Variants in ERBB4 observed in about 807,000 individuals in gnomAD.
ERBB4 encodes erb-b2 receptor tyrosine kinase 4.
ERBB4 carries 42 observed loss-of-function variants against 158.0 expected under a neutral mutation model. That is an observed-to-expected ratio of 0.27 (90% CI 0.21 to 0.34). ERBB4 has a LOEUF of 0.34. Ranked by LOEUF, ERBB4 falls within the 10% of genes least tolerant of loss-of-function variation. The pLI is 1.00. For synonymous variants in ERBB4, 583 were observed against 558.7 expected, an observed-to-expected ratio of 1.04 and a Z score of -0.61; for missense variants, 1,333 against 1,624.1, an observed-to-expected ratio of 0.82 and a Z score of 3.08.
intron 25 of ERBB4, among the ~76,000 whole-genome samples, chr2:211,412,174 T>TAACA (rs1304791753): frequency 6.6e-6 from 1 of 152,166 alleles, no homozygotes; most frequent in Non-Finnish European, 1.5e-5. Flanking sequence ...CAAGCCATCC[T>TAACA]AACATTGACA....
chr2:212,529,253 T>C (rs1181473610), intron 1 of ERBB4, among the ~76,000 whole-genome samples: 1 of 152,132 alleles, frequency 6.6e-6, no homozygotes, highest in Non-Finnish European at 1.5e-5. Flanking sequence ...AAGTAAGAAA[T>C]AGCAAAATAA....
intron 16 of ERBB4, among the ~76,000 whole-genome samples, chr2:211,648,691 T>C (rs886519770): frequency 6.6e-6 from 1 of 151,826 alleles, no homozygotes; most frequent in Non-Finnish European, 1.5e-5. Flanking sequence ...TGATACACAA[T>C]CTAAGATTCA....
At chr2:211,892,037 A>G (rs1228592428) in intron 3 of ERBB4, among the ~76,000 whole-genome samples, 1 of 123,242 alleles carries the variant, frequency 8.1e-6, no homozygotes, top group African/African-American at 3.6e-5. Flanking sequence ...AAAAGAGGGA[A>G]TCCTCCCTAA....
At position 212,509,075 on chromosome 2, in the gene ERBB4, T is replaced by C. The variant is rs1430147465; in HGVS notation, c.82+29374A>G. Among the ~76,000 whole-genome samples, 3 of 152,132 alleles carry C rather than the reference T, an allele frequency of 2.0e-5. No individual in the cohort carries two copies. The East Asian group carries it at 5.8e-4, about 29-fold the overall frequency. On this transcript the variant is annotated intron_variant, in intron 1 of 27. Transcript: ENST00000342788. ...TAGTTCCTTCTTCTTAAAGTTTCTCTTTCCAGAATATTCCCATAACTTAGA... is the reference window on the plus strand; with the variant it reads ...TAGTTCCTTCTTCTTAAAGTTTCTCCTTCCAGAATATTCCCATAACTTAGA...
intron 20 of ERBB4, among the ~76,000 whole-genome samples, chr2:211,454,325 AT>A (rs1184403578): frequency 6.6e-6 from 1 of 152,240 alleles, no homozygotes; most frequent in Non-Finnish European, 1.5e-5. Context: ...GAGCTTATAA[AT>A]AAAAGCTTAG....
At chr2:212,414,933 T>C (rs946465342) in intron 1 of ERBB4, among the ~76,000 whole-genome samples, 1 of 152,156 alleles carries the variant, frequency 6.6e-6, no homozygotes, top group African/African-American at 2.4e-5. Flanking sequence ...GAGAATTGAA[T>C]CCAGACATCG....
At chr2:211,709,311 G>A (rs2073599981) in intron 9 of ERBB4, among the ~76,000 whole-genome samples, 1 of 141,166 alleles carries the variant, frequency 7.1e-6, no homozygotes, top group Non-Finnish European at 1.5e-5. Context: ...ATATGAGAGA[G>A]AGAGAGAGAG....
chr2:211,664,039 T>G (rs1348842876), intron 15 of ERBB4, among the ~76,000 whole-genome samples: 1 of 152,176 alleles, frequency 6.6e-6, no homozygotes, highest in Non-Finnish European at 1.5e-5. Flanking sequence ...TGTGAACCAA[T>G]GAATTGGCAA....
At chr2:212,345,656 ATT>A (rs2088964032) in intron 1 of ERBB4, among the ~76,000 whole-genome samples, 1 of 152,224 alleles carries the variant, frequency 6.6e-6, no homozygotes, top group Non-Finnish European at 1.5e-5. Context: ...GTTATTCTCT[ATT>A]AACAGCTAAA....
chr2:212,481,915 A>C (rs1447540162), intron 1 of ERBB4, among the ~76,000 whole-genome samples: 1 of 152,240 alleles, frequency 6.6e-6, no homozygotes, highest in Non-Finnish European at 1.5e-5. Flanking sequence ...TTAGCTATTT[A>C]GAGAGTTATT....
intron 1 of ERBB4, among the ~76,000 whole-genome samples, chr2:212,444,004 C>T (rs1457789874): frequency 3.3e-5 from 5 of 152,056 alleles, no homozygotes; most frequent in Non-Finnish European, 5.9e-5. Flanking sequence ...CATCACCAAA[C>T]GGAAGTGGTA....
At position 212,530,322 on chromosome 2, in the gene ERBB4, G is replaced by A. The variant is rs187585304; in HGVS notation, c.82+8127C>T. Among the ~76,000 whole-genome samples, 125 of 152,154 alleles carry A rather than the reference G, an allele frequency of 8.2e-4. 1 individual carries two copies. The highest frequency in any genetic ancestry group is 3.8e-4 in the Non-Finnish European group (26 of 67,978). The stretch of plus-strand genomic sequence containing the variant: ...TCTAGACAAAATTACCAGACAAAAG[G>A]AATTCCTGAAAATGAAAGTATGTGT... On this transcript the variant is annotated intron_variant, in intron 1 of 27. Coordinates refer to ENST00000342788, the MANE Select transcript of ERBB4 (RefSeq NM_005235.3).
At chr2:211,533,552 C>A (rs2066561523) in intron 20 of ERBB4, among the ~76,000 whole-genome samples, 1 of 151,878 alleles carries the variant, frequency 6.6e-6, no homozygotes, top group African/African-American at 2.4e-5. Context: ...GGCAAAAAAC[C>A]AGGATTATCC....
At position 212,528,286 on chromosome 2, in the gene ERBB4, C is replaced by T. The variant is rs191226051; in HGVS notation, c.82+10163G>A. 3.3e-3 allele frequency among the ~76,000 whole-genome samples: 508 copies of T among 152,090 alleles called. 3 individuals carry two copies. The highest frequency in any genetic ancestry group is 6.1e-3 in the Non-Finnish European group (415 of 67,980). ...TTTGAGAAGCATAACTAGCCTCTGC[C>T]GCCGTGAGAAAGTCGTGCAAGAGGC... On this transcript the variant is annotated intron_variant, in intron 1 of 27. Transcript: ENST00000342788.
At chr2:211,858,743 G>A (rs1018720854) in intron 3 of ERBB4, among the ~76,000 whole-genome samples, 5 of 152,204 alleles carry the variant, frequency 3.3e-5, no homozygotes, top group South Asian at 2.1e-4. Flanking sequence ...CTGGCATGTT[G>A]TATGGTGGTT....
At chr2:212,166,092 A>G (rs1324730635) in intron 1 of ERBB4, among the ~76,000 whole-genome samples, 1 of 151,970 alleles carries the variant, frequency 6.6e-6, no homozygotes, top group Non-Finnish European at 1.5e-5. Flanking sequence ...CCTGCCCCAA[A>G]TTTAGTTTGG....
intron 1 of ERBB4, among the ~76,000 whole-genome samples, chr2:212,201,532 ACT>A (rs2082586836): frequency 6.6e-6 from 1 of 151,990 alleles, no homozygotes; most frequent in Non-Finnish European, 1.5e-5. Context: ...AAAATGTAAG[ACT>A]CTAATTATTT....
rs55805649 is a variant in ERBB4, at chr2:211,772,830, T to C, written c.556+15195A>G. On this transcript the variant is annotated intron_variant, in intron 4 of 27. Transcript: ENST00000342788. ...TGGGATATATATATATATATATATATATATACACATATATATATATATATA... is the reference window on the plus strand; with the variant it reads ...TGGGATATATATATATATATATATACATATACACATATATATATATATATA... 3.3e-4 allele frequency among the ~76,000 whole-genome samples: 4 copies of C among 12,288 alleles called. 1 individual carries two copies. The highest frequency in any genetic ancestry group is 1.1e-3 in the African/African-American group (3 of 2,622). 8.1% of individuals were successfully genotyped at this position (12,288 alleles called of 152,430 possible). A position where few individuals can be genotyped will look rare whatever the true frequency, so the allele number is the denominator to read the frequency against.
chr2:211,811,054 T>C (rs1031083440), intron 3 of ERBB4, among the ~76,000 whole-genome samples: 2 of 152,206 alleles, frequency 1.3e-5, no homozygotes, highest in Non-Finnish European at 2.9e-5. Context: ...GATTCTGTTA[T>C]TATGATGTTA....
Sources: allele counts gnomAD v4.1 joint callset (sites outside exome capture counted in the v4.1 genomes callset), GRCh38; gene constraint gnomAD v4.1.1; transcripts MANE v1.5; gene names NCBI Gene and HGNC (gene_info 2026-07-23, HGNC 2026-07-21).